Variants in MAP6 observed in about 807,000 individuals in gnomAD.
The protein encoded by MAP6 is microtubule-associated protein 6.
MAP6 carries 26 observed loss-of-function variants against 42.4 expected under a neutral mutation model. That is an observed-to-expected ratio of 0.61 (90% CI 0.45 to 0.85). The LOEUF (loss-of-function observed/expected upper bound fraction) is 0.85, where lower values mean the gene tolerates loss of function less well. Among genes scored for constraint, MAP6 ranks in the 40% least tolerant of loss-of-function variants. The probability of loss-of-function intolerance (pLI) is 0.00; values close to 1 mark genes in which losing one functional copy is unlikely to be tolerated. For synonymous variants in MAP6, 418 were observed against 443.8 expected, an observed-to-expected ratio of 0.94 and a Z score of 0.73; for missense variants, 966 against 1,099.0, an observed-to-expected ratio of 0.88 and a Z score of 1.71.
chr11:75,653,629 T>C (rs1943688116), intron 1 of MAP6, among the ~76,000 whole-genome samples: 2 of 152,260 alleles, frequency 1.3e-5, no homozygotes, highest in Admixed American at 6.5e-5. Flanking sequence ...TTATGATTCT[T>C]ATTTTACTCA....
At chr11:75,664,693 T>C (rs1943917070) in intron 1 of MAP6, among the ~76,000 whole-genome samples, 1 of 152,198 alleles carries the variant, frequency 6.6e-6, no homozygotes, top group Admixed American at 6.5e-5. Flanking sequence ...TTACTTAAAT[T>C]CAGAAGATAT....
At chr11:75,643,147 A>G (rs1264719864) in intron 1 of MAP6, among the ~76,000 whole-genome samples, 3 of 151,862 alleles carry the variant, frequency 2.0e-5, no homozygotes. Context: ...AATACTGTGT[A>G]TTTTATTATT....
Position 75,617,514 on chromosome 11 carries a change from CAAAAAA to C in MAP6, c.906-9198_906-9193del, listed in dbSNP as rs61477947. 4.3e-4 allele frequency among the ~76,000 whole-genome samples: 12 copies of C among 28,166 alleles called. No homozygotes were observed. The South Asian group carries it at 0.01, about 24-fold the overall frequency. 18.5% of individuals were successfully genotyped at this position (28,166 alleles called of 152,430 possible). A position where few individuals can be genotyped will look rare whatever the true frequency, so the allele number is the denominator to read the frequency against. ...CTGGGCAACAGAGCAAGACTGTCTC[CAAAAAA>C]AAAAAAAAAAAAAAAAAAAAACCCA... is the stretch of plus-strand genomic sequence containing the variant. On this transcript the variant is annotated intron_variant, in intron 1 of 3. Coordinates refer to ENST00000304771, the MANE Select transcript of MAP6 (RefSeq NM_033063.2).
At chr11:75,656,404 A>C (rs1372216224) in intron 1 of MAP6, among the ~76,000 whole-genome samples, 1 of 152,178 alleles carries the variant, frequency 6.6e-6, no homozygotes, top group Non-Finnish European at 1.5e-5. Flanking sequence ...AAGATAAGGG[A>C]AGGATAGCAA....
chr11:75,616,732 T>C (rs971843235), intron 1 of MAP6, among the ~76,000 whole-genome samples: 7 of 152,256 alleles, frequency 4.6e-5, no homozygotes, highest in African/African-American at 1.7e-4. Flanking sequence ...TGAAGATCTA[T>C]GTATGTGTAC....
At chr11:75,603,174 G>C (rs879721377) in intron 3 of MAP6, 1 of 985,392 alleles carries the variant, frequency 1.0e-6, no homozygotes, top group African/African-American at 1.7e-5. Flanking sequence ...AAGCCAATGC[G>C]CAGCTCTTGG....
intron 1 of MAP6, among the ~76,000 whole-genome samples, chr11:75,660,544 T>C (rs1049318660): frequency 1.3e-5 from 2 of 152,232 alleles, no homozygotes; most frequent in African/African-American, 2.4e-5. Context: ...TGCATCTCAA[T>C]TGGTCATTTA....
chr11:75,608,065 A>G (rs371093111), intron 2 of MAP6, 44 bp downstream of exon 2: 1 of 1,585,730 alleles, frequency 6.3e-7, no homozygotes. Context: ...GTTAACCCTT[A>G]TGGTCCAGGC....
chr11:75,614,451 T>G (rs1435419658), intron 1 of MAP6, among the ~76,000 whole-genome samples: 1 of 152,174 alleles, frequency 6.6e-6, no homozygotes, highest in Non-Finnish European at 1.5e-5. Flanking sequence ...GAGAGTGGCT[T>G]ATTAAAGGCT....
chr11:75,608,585 G>T (rs565863899), intron 1 of MAP6, among the ~76,000 whole-genome samples: 2 of 152,274 alleles, frequency 1.3e-5, no homozygotes, highest in South Asian at 4.1e-4. Flanking sequence ...TGTGACCATG[G>T]GCAGGCAATT....
intron 3 of MAP6, among the ~76,000 whole-genome samples, chr11:75,593,272 G>T (rs1435569537): frequency 1.3e-5 from 2 of 152,252 alleles, no homozygotes; most frequent in Non-Finnish European, 2.9e-5. Flanking sequence ...TTGAGTGAAT[G>T]AATAAACAAC....
chr11:75,658,371 C>G (rs904168724), intron 1 of MAP6, among the ~76,000 whole-genome samples: 1 of 146,674 alleles, frequency 6.8e-6, no homozygotes, highest in Non-Finnish European at 1.5e-5. Flanking sequence ...ACTGTGCTAT[C>G]TAGCTCAGTG....
At chr11:75,617,497 C>T (rs1943016313) in intron 1 of MAP6, among the ~76,000 whole-genome samples, 1 of 101,862 alleles carries the variant, frequency 9.8e-6, no homozygotes, top group African/African-American at 4.0e-5. Flanking sequence ...GTCTGGGCAA[C>T]AGAGCAAGAC....
intron 1 of MAP6, among the ~76,000 whole-genome samples, chr11:75,640,279 C>T (rs1943443038): frequency 6.6e-6 from 1 of 150,888 alleles, no homozygotes. Flanking sequence ...TGACAAGGAA[C>T]TCATGATGTT....
chr11:75,657,591 T>C (rs1943773258), intron 1 of MAP6, among the ~76,000 whole-genome samples: 2 of 152,220 alleles, frequency 1.3e-5, no homozygotes, highest in African/African-American at 4.8e-5. Flanking sequence ...CTATAGCTAC[T>C]GCAACAAATT....
In MAP6 at chr11:75,667,557, G is replaced by T. The variant is rs1245061811; in HGVS notation, c.813C>A (p.Thr271=). 6.8e-7 allele frequency: 1 copy of T among 1,481,392 alleles called. No homozygotes were observed. The highest frequency in any genetic ancestry group is 2.2e-5 in the Admixed American group (1 of 44,724). The allele number at this position is 1,481,392 out of a possible 1,614,324, so 91.8% of individuals were successfully genotyped here. A position where few individuals can be genotyped will look rare whatever the true frequency, so the allele number is the denominator to read the frequency against. Reference sequence around the variant, plus strand: ...CGCGCCCCCTGCCAGCCTCGGGGCCGGTGGCCTGGACCTGGGCCTGGGCCG... The same window carrying T: ...CGCGCCCCCTGCCAGCCTCGGGGCCTGTGGCCTGGACCTGGGCCTGGGCCG... ...LPAAQAQVQA[T]GPEAGRGRAA... Residue 271 remains threonine, a synonymous_variant, in exon 1 of 4, where the codon ACC becomes ACA. Transcript: ENST00000304771. This position sits in a 1 kb window ranked among gnomAD's most constrained non-coding sequence, Gnocchi z 5.6.
chr11:75,640,283 T>C (rs1189256899), intron 1 of MAP6, among the ~76,000 whole-genome samples: 1 of 150,312 alleles, frequency 6.7e-6, no homozygotes, highest in African/African-American at 2.4e-5. Context: ...AAGGAACTCA[T>C]GATGTTTCAA....
chr11:75,600,463 T>C (rs1239679704), intron 3 of MAP6, among the ~76,000 whole-genome samples: 6 of 152,216 alleles, frequency 3.9e-5, no homozygotes, highest in Admixed American at 2.0e-4. Context: ...GTTATGAGGA[T>C]ATATGCATCA....
intron 1 of MAP6, among the ~76,000 whole-genome samples, chr11:75,660,223 C>T (rs1303305523): frequency 6.6e-6 from 1 of 152,098 alleles, no homozygotes; most frequent in African/African-American, 2.4e-5. Context: ...TTCTCTACTC[C>T]TTTTCCAAGG....
Sources: allele counts gnomAD v4.1 joint callset (sites outside exome capture counted in the v4.1 genomes callset), GRCh38; gene constraint gnomAD v4.1.1; non-coding constraint Gnocchi (gnomAD v3.1); transcripts MANE v1.5; gene names NCBI Gene and HGNC (gene_info 2026-07-23, HGNC 2026-07-21).